The following HSPA14 variants were observed in gnomAD, a reference collection of about 807,000 sequenced individuals.
HSPA14 encodes the protein heat shock protein family A (Hsp70) member 14.
In HSPA14, 37 loss-of-function variants were observed where a neutral mutation model predicts 65.5. The observed-to-expected ratio is 0.56, with a 90% CI of 0.43 to 0.74. The LOEUF (loss-of-function observed/expected upper bound fraction) is 0.74. HSPA14 is among the 30% of genes least tolerant of loss of function. The pLI is 0.00. For synonymous variants in HSPA14, 203 were observed against 214.2 expected, an observed-to-expected ratio of 0.95 and a Z score of 0.46; for missense variants, 564 against 607.6, an observed-to-expected ratio of 0.93 and a Z score of 0.75.
At chr10:14,847,968 T>C (rs1427262337) in intron 3 of HSPA14, among the ~76,000 whole-genome samples, 1 of 152,222 alleles carries the variant, frequency 6.6e-6, no homozygotes, top group Non-Finnish European at 1.5e-5. Context: ...TTATAAGTTA[T>C]TGTCCCTCTC....
At chr10:14,867,709 G>C in intron 11 of HSPA14, 27 bp from the exon 12 acceptor site, 1 of 1,599,162 alleles carries the variant, frequency 6.3e-7, no homozygotes, top group South Asian at 1.1e-5. Flanking sequence ...ATACCAAAGA[G>C]TATGCACCTT....
chr10:14,842,874 G>T lies in HSPA14; in HGVS notation c.221+2717G>T. ...AACTCCCAAGCATGTGAAGGAGTTGGGTCCCAGAGTCTTGTGGCTCTAAAC... is the reference window on the plus strand; with the variant it reads ...AACTCCCAAGCATGTGAAGGAGTTGTGTCCCAGAGTCTTGTGGCTCTAAAC... On this transcript the variant is annotated intron_variant, in intron 3 of 13. Transcript: ENST00000378372. This position sits in a 1 kb window ranked among gnomAD's most constrained non-coding sequence, Gnocchi z 5.2. 1 of 1,429,068 alleles carries T rather than the reference G, an allele frequency of 7.0e-7. No homozygotes were observed. Among genetic ancestry groups the T allele is most frequent in the Non-Finnish European group, 9.4e-7 (1 of 1,064,870 alleles). 88.5% of individuals were successfully genotyped at this position (1,429,068 alleles called of 1,614,324 possible).
In HSPA14 at chr10:14,871,646, C is replaced by T. The variant is rs371754677; in HGVS notation, c.*40C>T. 3.6e-5 allele frequency: 40 copies of T among 1,104,688 alleles called. No individual in the cohort carries two copies. In the African/African-American group the frequency reaches 5.3e-4, roughly 15 times the overall value. The allele number at this position is 1,104,688 out of a possible 1,614,324, so 68.4% of individuals were successfully genotyped here. ...CAAGAATTTTTAAAAACAAGAATAT[C>T]AACATTTGGTTTTGTGTATAAGTGG... On this transcript the variant is annotated 3_prime_UTR_variant, in exon 14 of 14. Transcript: ENST00000378372.
intron 9 of HSPA14, among the ~76,000 whole-genome samples, chr10:14,855,176 C>T (rs548243366): frequency 6.6e-6 from 1 of 152,150 alleles, no homozygotes; most frequent in Non-Finnish European, 1.5e-5. Context: ...GCCTTTGTCA[C>T]AAAGATTTCA....
chr10:14,848,985 G>T, intron 5 of HSPA14, 90 bp downstream of exon 5: 1 of 698,702 alleles, frequency 1.4e-6, no homozygotes, highest in East Asian at 2.7e-5. Context: ...TTAGATCTTG[G>T]GAGAAGCAGA....
chr10:14,846,275 GGA>G, intron 3 of HSPA14: 5 of 985,360 alleles, frequency 5.1e-6, no homozygotes, highest in Non-Finnish European at 6.0e-6. Context: ...AGTACTTGAC[GGA>G]GAGTTAGGCC....
At position 14,842,748 on chromosome 10, in the gene HSPA14, C is replaced by G. The variant is rs1833990946; in HGVS notation, c.221+2591C>G. 1.3e-6 allele frequency: 2 copies of G among 1,536,572 alleles called. No individual in the cohort carries two copies. The highest frequency in any genetic ancestry group is 4.9e-5 in the East Asian group (2 of 40,920). ...GCTGATCATCAGCCTATCTTGAAAA[C>G]AGTTAAGGCATCAGATGAGGATTGT... On this transcript the variant is annotated intron_variant, in intron 3 of 13. Transcript: ENST00000378372. The surrounding 1 kb of genome is among the most constrained non-coding windows in gnomAD (Gnocchi z 5.2).
intron 6 of HSPA14, among the ~76,000 whole-genome samples, chr10:14,850,536 C>A (rs911100480): frequency 2.6e-5 from 4 of 152,124 alleles, no homozygotes; most frequent in Non-Finnish European, 4.4e-5. Context: ...GCTTTTATGC[C>A]TTTGCTCTGC....
chr10:14,842,659 A>T lies in HSPA14; in HGVS notation c.221+2502A>T. 1.3e-6 allele frequency: 2 copies of T among 1,536,270 alleles called. No homozygotes were observed. The highest frequency in any genetic ancestry group is 1.2e-5 in the South Asian group (1 of 84,056). ...GGGCCAAGCACTGTGATCAGAACTTAGTGGCCTCTGACGCCCCAGGGGAAG... is the reference window on the plus strand; with the variant it reads ...GGGCCAAGCACTGTGATCAGAACTTTGTGGCCTCTGACGCCCCAGGGGAAG... On this transcript the variant is annotated intron_variant, in intron 3 of 13. Coordinates refer to ENST00000378372, the MANE Select transcript of HSPA14 (RefSeq NM_016299.4). The surrounding 1 kb of genome is among the most constrained non-coding windows in gnomAD (Gnocchi z 5.2).
intron 10 of HSPA14, among the ~76,000 whole-genome samples, chr10:14,866,478 A>G (rs1476118391): frequency 5.9e-5 from 9 of 152,246 alleles, no homozygotes; most frequent in Non-Finnish European, 8.8e-5. Context: ...TAAGTGTTCA[A>G]TGAATGAATC....
intron 1 of HSPA14, 104 bp from the exon 2 acceptor site, chr10:14,839,799 GAT>G: frequency 1.5e-6 from 1 of 649,632 alleles, no homozygotes; most frequent in Non-Finnish European, 2.6e-6. Context: ...AAAATATTGA[GAT>G]AGCAGTTTTT....
At chr10:14,859,240 G>A (rs1455974012) in intron 10 of HSPA14, among the ~76,000 whole-genome samples, 1 of 152,156 alleles carries the variant, frequency 6.6e-6, no homozygotes, top group African/African-American at 2.4e-5. Context: ...TTTAGGTGAG[G>A]GAGAAGCTGG....
At chr10:14,845,399 G>A in intron 3 of HSPA14, 1 of 985,330 alleles carries the variant, frequency 1.0e-6, no homozygotes, top group Non-Finnish European at 1.2e-6. Context: ...GACATAGGTG[G>A]AGAAATGGTC....
In HSPA14 at chr10:14,838,408, G is replaced by T; in HGVS notation, c.6G>T (p.Ala2=). 6.2e-7 allele frequency: 1 copy of T among 1,604,630 alleles called. No homozygotes were observed. The change falls in exon 1 of 14, where the codon GCG becomes GCT. Residue 2 remains alanine, a synonymous_variant. Coordinates refer to ENST00000378372, the MANE Select transcript of HSPA14 (RefSeq NM_016299.4). The part of the protein sequence containing the change: M[A]AIGVHLGCTS... ...GCTGCCGTCCCTGCTGCCTCATGGC[G>T]GCCATCGGAGTTCACCTGGGCTGCA...
intron 10 of HSPA14, among the ~76,000 whole-genome samples, chr10:14,857,283 G>C (rs1309339924): frequency 1.3e-5 from 2 of 152,142 alleles, no homozygotes. Context: ...ATTCCTTAGA[G>C]TAGATTGCCA....
chr10:14,843,551 C>T (rs1353910255), intron 3 of HSPA14: 11 of 1,550,688 alleles, frequency 7.1e-6, no homozygotes, highest in East Asian at 4.9e-5. Context: ...GTCTCCTCTT[C>T]GAGAGCTGGT....
At chr10:14,852,308 C>G in intron 7 of HSPA14, 62 bp from the exon 8 acceptor site, 1 of 1,355,352 alleles carries the variant, frequency 7.4e-7, no homozygotes, top group Non-Finnish European at 1.0e-6. Flanking sequence ...TAAGTGACTT[C>G]TAATATCCAA....
Position 14,851,230 on chromosome 10 carries a change from G to C in HSPA14, c.479G>C (p.Arg160Thr). The change falls in exon 7 of 14, where the codon AGA (arginine) becomes ACA (threonine). Residue 160 changes from arginine (R) to threonine (T), a missense_variant. Coordinates refer to ENST00000378372, the MANE Select transcript of HSPA14 (RefSeq NM_016299.4). ...KQKNALGEAA[R>T]AAGFNVLRLI... ...CAAATTGTTCACAGAGAAGCAGCTAGAGCTGCTGGATTTAATGTTTTGCGA... is the reference window on the plus strand; with the variant it reads ...CAAATTGTTCACAGAGAAGCAGCTACAGCTGCTGGATTTAATGTTTTGCGA... 6 of 1,587,262 alleles carry C rather than the reference G, an allele frequency of 3.8e-6. No homozygotes were observed. The highest frequency in any genetic ancestry group is 4.3e-6 in the Non-Finnish European group (5 of 1,158,094).
chr10:14,859,472 G>A (rs1178655015), intron 10 of HSPA14, among the ~76,000 whole-genome samples: 1 of 152,064 alleles, frequency 6.6e-6, no homozygotes, highest in Non-Finnish European at 1.5e-5. Flanking sequence ...CATTTATTTT[G>A]CCTTTCTATC....
Sources: gnomAD v4.1 joint callset for allele counts (sites outside exome capture counted in the v4.1 genomes callset) on GRCh38, gnomAD v4.1.1 for gene constraint, Gnocchi (gnomAD v3.1) non-coding constraint, MANE v1.5 for transcripts, NCBI Gene and HGNC (gene_info 2026-07-23, HGNC 2026-07-21) for gene names.